SNAP25: variants seen among roughly 807,000 people sequenced by gnomAD.
SNAP25 encodes the protein synaptosomal-associated protein 25.
A neutral mutation model predicts 28.7 loss-of-function variants in SNAP25; 3 were observed. That is an observed-to-expected ratio of 0.10 (90% CI 0.05 to 0.27). The LOEUF (loss-of-function observed/expected upper bound fraction) is 0.27. SNAP25 is among the 10% of genes least tolerant of loss of function. SNAP25 has a pLI of 1.00. For synonymous variants in SNAP25, 61 were observed against 88.1 expected (o/e 0.69, Z 1.72); for missense variants, 117 against 278.7 (o/e 0.42, Z 4.13).
intron 1 of SNAP25, among the ~76,000 whole-genome samples, chr20:10,261,051 A>T (rs112741901): frequency 1.0e-3 from 158 of 152,294 alleles, no homozygotes; most frequent in African/African-American, 3.6e-3. Flanking sequence ...CATTCATGTC[A>T]ATGAATTTTA....
At chr20:10,302,797 A>T (rs6074118) in intron 7 of SNAP25, among the ~76,000 whole-genome samples, 21,142 of 145,778 alleles carry the variant, frequency 0.15, 1,589 homozygotes, top group East Asian at 0.21. Flanking sequence ...TTTTTTTTTT[A>T]AAAGAAGCTA....
intron 1 of SNAP25, among the ~76,000 whole-genome samples, chr20:10,222,213 A>G (rs1365513459): frequency 1.3e-5 from 2 of 152,276 alleles, no homozygotes; most frequent in African/African-American, 4.8e-5. Context: ...AAAGCAATAA[A>G]CAATAAGTTA....
chr20:10,230,069 C>A (rs2062801605), intron 1 of SNAP25, among the ~76,000 whole-genome samples: 1 of 152,098 alleles, frequency 6.6e-6, no homozygotes, highest in Non-Finnish European at 1.5e-5. Flanking sequence ...GCCCTTCTCT[C>A]CTTTTCCCAC....
At chr20:10,278,705 C>G (rs747379455) in intron 3 of SNAP25, among the ~76,000 whole-genome samples, 2 of 152,028 alleles carry the variant, frequency 1.3e-5, no homozygotes, top group Non-Finnish European at 2.9e-5. Context: ...TCATAAATTT[C>G]ATATGCAACA....
intron 1 of SNAP25, among the ~76,000 whole-genome samples, chr20:10,225,320 G>GA (rs1379836571): frequency 2.0e-5 from 3 of 151,980 alleles, no homozygotes; most frequent in African/African-American, 7.3e-5. Context: ...ATCACAAGAG[G>GA]AAATCCTAAC....
At chr20:10,249,250 C>T (rs1185220257) in intron 1 of SNAP25, among the ~76,000 whole-genome samples, 3 of 152,194 alleles carry the variant, frequency 2.0e-5, no homozygotes, top group Non-Finnish European at 4.4e-5. Context: ...CTCATTCATT[C>T]AATCCCTTGG....
At chr20:10,269,018 G>T (rs1486443604) in intron 1 of SNAP25, among the ~76,000 whole-genome samples, 1 of 152,144 alleles carries the variant, frequency 6.6e-6, no homozygotes, top group Non-Finnish European at 1.5e-5. Flanking sequence ...CAATCATATA[G>T]ATTAAATCTG....
At chr20:10,244,131 T>C (rs553642328) in intron 1 of SNAP25, among the ~76,000 whole-genome samples, 3 of 152,346 alleles carry the variant, frequency 2.0e-5, no homozygotes, top group South Asian at 2.1e-4. Context: ...ATGACTAAGT[T>C]AGATAATGCC....
Position 10,287,613 on chromosome 20 carries a change from G to A in SNAP25, c.163+2841G>A, listed in dbSNP as rs1208804408. ...GAAGTCAGTGTGGCGATTCCTCAGG[G>A]ATCTAGAACTAGAAATACCATTTGA... On this transcript the variant is annotated intron_variant, in intron 4 of 7. Transcript: ENST00000254976. Among the ~76,000 whole-genome samples, 3 of 138,258 alleles carry A rather than the reference G, an allele frequency of 2.2e-5. 1 individual carries two copies. Among genetic ancestry groups the A allele is most frequent in the South Asian group, 4.6e-4 (2 of 4,352 alleles). The allele number at this position is 138,258 out of a possible 152,430, so 90.7% of individuals were successfully genotyped here.
At chr20:10,245,155 C>T (rs1671918106) in intron 1 of SNAP25, among the ~76,000 whole-genome samples, 1 of 152,190 alleles carries the variant, frequency 6.6e-6, no homozygotes, top group African/African-American at 2.4e-5. Context: ...GCATCCTCTA[C>T]AAAAGCCAGC....
chr20:10,237,057 T>C (rs2062937028), intron 1 of SNAP25, among the ~76,000 whole-genome samples: 1 of 152,160 alleles, frequency 6.6e-6, no homozygotes, highest in Non-Finnish European at 1.5e-5. Flanking sequence ...AAGCAGATCC[T>C]TAGTGAAGGA....
chr20:10,291,031 T>C (rs572730030), intron 4 of SNAP25, among the ~76,000 whole-genome samples: 2 of 152,332 alleles, frequency 1.3e-5, no homozygotes, highest in South Asian at 4.1e-4. Flanking sequence ...TTCTTGAATG[T>C]AGGGGATTGC....
intron 7 of SNAP25, among the ~76,000 whole-genome samples, chr20:10,303,644 T>C (rs373154562): frequency 6.6e-6 from 1 of 152,140 alleles, no homozygotes; most frequent in Non-Finnish European, 1.5e-5. Flanking sequence ...CCTCCTCTTC[T>C]TCCCAGGCTG....
intron 1 of SNAP25, among the ~76,000 whole-genome samples, chr20:10,234,413 T>C (rs1207697025): frequency 2.0e-5 from 3 of 152,248 alleles, no homozygotes; most frequent in African/African-American, 7.2e-5. Flanking sequence ...GGCTTAATAC[T>C]ACCCACAAAT....
At chr20:10,225,551 T>G (rs1046646145) in intron 1 of SNAP25, among the ~76,000 whole-genome samples, 3 of 152,170 alleles carry the variant, frequency 2.0e-5, no homozygotes, top group Non-Finnish European at 2.9e-5. Flanking sequence ...CTTGCTTTCT[T>G]TGGTTGTGGA....
intron 1 of SNAP25, among the ~76,000 whole-genome samples, chr20:10,241,774 C>T (rs571711351): frequency 4.6e-5 from 7 of 152,162 alleles, no homozygotes; most frequent in South Asian, 2.1e-4. Flanking sequence ...TGGAGAGAAG[C>T]GCAGAGGAAA....
chr20:10,273,930 C>T (rs1398320858), intron 1 of SNAP25, among the ~76,000 whole-genome samples: 1 of 152,164 alleles, frequency 6.6e-6, no homozygotes, highest in African/African-American at 2.4e-5. Context: ...TCAGAAAGGC[C>T]TGTTGCAAAC....
At chr20:10,238,232 A>G (rs1485861223) in intron 1 of SNAP25, among the ~76,000 whole-genome samples, 3 of 152,180 alleles carry the variant, frequency 2.0e-5, no homozygotes, top group Non-Finnish European at 4.4e-5. Flanking sequence ...GTGGGGAAGG[A>G]ATCATGGAAC....
At chr20:10,298,786 A>G (rs2064167323) in intron 6 of SNAP25, among the ~76,000 whole-genome samples, 1 of 152,242 alleles carries the variant, frequency 6.6e-6, no homozygotes, top group Admixed American at 6.5e-5. Flanking sequence ...AGATGAGCAC[A>G]GAGACTCTGA....
Sources: gnomAD v4.1 joint callset for allele counts (sites outside exome capture counted in the v4.1 genomes callset) on GRCh38, gnomAD v4.1.1 for gene constraint, MANE v1.5 for transcripts, NCBI Gene and HGNC (gene_info 2026-07-23, HGNC 2026-07-21) for gene names.